CDH11: variants seen among roughly 807,000 people sequenced by gnomAD.
The protein encoded by CDH11 is cadherin-11.
A neutral mutation model predicts 67.8 loss-of-function variants in CDH11; 11 were observed. The observed-to-expected ratio is 0.16, with a 90% CI of 0.10 to 0.27. The LOEUF (loss-of-function observed/expected upper bound fraction) is 0.27. Among genes scored for constraint, CDH11 ranks in the 10% least tolerant of loss-of-function variants. The pLI is 1.00. For synonymous variants in CDH11, 419 were observed against 400.0 expected (o/e 1.05, Z -0.57); for missense variants, 847 against 1,031.2 (o/e 0.82, Z 2.45).
Position 65,004,733 on chromosome 16 carries a change from T to G in CDH11, c.137A>C (p.Gln46Pro), listed in dbSNP as rs2142528796. 1 of 1,613,890 alleles carries G rather than the reference T, an allele frequency of 6.2e-7. No homozygotes were observed. Among genetic ancestry groups the G allele is most frequent in the Non-Finnish European group, 8.5e-7 (1 of 1,179,986 alleles). The change falls in exon 3 of 13, where the codon CAG (glutamine) becomes CCG (proline). Residue 46 changes from glutamine (Q) to proline (P), a missense_variant. Coordinates refer to ENST00000268603, the MANE Select transcript of CDH11 (RefSeq NM_001797.4). Reference protein sequence around the residue: ...HGHHEKGKEGQVLQRSKRGWV... With the variant: ...HGHHEKGKEGPVLQRSKRGWV... ...GCCACGCTTGGAGCGCTGTAGCACC[T>G]GCCCCTCCTTGCCCTTCTCATGGTG...
At position 65,046,932 on chromosome 16, in the gene CDH11, AC is replaced by A. The variant is rs531812577; in HGVS notation, c.-173+6871del. Among the ~76,000 whole-genome samples, 634 of 152,110 alleles carry A rather than the reference AC, an allele frequency of 4.2e-3. 6 individuals are homozygous for A. The highest frequency in any genetic ancestry group is 0.014 in the African/African-American group (592 of 41,484). ...AGACCAGCCTGGCCGATGTAGCAAA[AC>A]CCCATCTTTACTAAAAATACAGAAA... On this transcript the variant is annotated intron_variant, in intron 2 of 12. Transcript: ENST00000268603.
chr16:64,982,814 G>C (rs1193272458), intron 7 of CDH11: 1 of 154,132 alleles, frequency 6.5e-6, no homozygotes, highest in African/African-American at 2.4e-5. Context: ...CCAATGTCTG[G>C]GACTCTTACC....
chr16:65,035,547 T>C (rs1021547584), intron 2 of CDH11, among the ~76,000 whole-genome samples: 2 of 152,220 alleles, frequency 1.3e-5, no homozygotes, highest in Non-Finnish European at 2.9e-5. Flanking sequence ...CATCTGCTGA[T>C]AGTTTATAGC....
At position 64,946,154 on chromosome 16, in the gene CDH11, TA is replaced by T. The variant is rs1428461779; in HGVS notation, c.*1448del. On this transcript the variant is annotated 3_prime_UTR_variant, in exon 13 of 13. Transcript: ENST00000268603. ...AAGCATATTCTAAACAAAGCTTTTT[TA>T]AATGAATCGCCCATTCTCATTAAAA... The T allele has an allele frequency of 5.7e-6, 6 of 1,054,602 alleles. No homozygotes were observed. In the East Asian group the frequency reaches 3.2e-4, roughly 56 times the overall value. 65.3% of individuals were successfully genotyped at this position (1,054,602 alleles called of 1,614,324 possible).
chr16:65,007,477 C>T lies in CDH11; in HGVS notation c.-172-2436G>A, dbSNP rs563662735. On this transcript the variant is annotated intron_variant, in intron 2 of 12. Transcript: ENST00000268603. ...AGGCACTTTAATAATACATCAGATG[C>T]TGTTTCTAGAAAGCCAAACCGACTG... Among the ~76,000 whole-genome samples the T allele has an allele frequency of 1.5e-4, 23 of 152,276 alleles. No individual in the cohort carries two copies. In the South Asian group the frequency reaches 4.3e-3, roughly 29 times the overall value.
chr16:65,041,156 C>T (rs2073860808), intron 2 of CDH11, among the ~76,000 whole-genome samples: 2 of 152,232 alleles, frequency 1.3e-5, no homozygotes, highest in African/African-American at 2.4e-5. Context: ...TGACACCTGA[C>T]ATCTTCCTGG....
chr16:64,949,549 C>T (rs2071299526), intron 12 of CDH11, among the ~76,000 whole-genome samples: 1 of 151,966 alleles, frequency 6.6e-6, no homozygotes, highest in Non-Finnish European at 1.5e-5. Context: ...GCCTCAGCCT[C>T]CCAAGTAGCT....
intron 1 of CDH11, among the ~76,000 whole-genome samples, chr16:65,062,902 A>G (rs1413055328): frequency 1.3e-5 from 2 of 152,242 alleles, no homozygotes; most frequent in Non-Finnish European, 2.9e-5. Flanking sequence ...GAATTTGGCC[A>G]CAGAGGGGCT....
chr16:64,996,925 T>C (rs964094932), intron 4 of CDH11, among the ~76,000 whole-genome samples: 1 of 152,170 alleles, frequency 6.6e-6, no homozygotes, highest in Admixed American at 6.5e-5. Flanking sequence ...TTGGTTACTC[T>C]GTTCACTACC....
chr16:64,948,484 C>A, intron 12 of CDH11: 2 of 853,272 alleles, frequency 2.3e-6, no homozygotes, highest in Non-Finnish European at 1.9e-6. Flanking sequence ...GCTGTTTTTC[C>A]AAGGTTTAAA....
At chr16:64,996,752 A>G (rs894814914) in intron 4 of CDH11, among the ~76,000 whole-genome samples, 5 of 152,164 alleles carry the variant, frequency 3.3e-5, no homozygotes, top group Non-Finnish European at 7.3e-5. Context: ...ACACGGATGC[A>G]GCTGGAGGCC....
intron 1 of CDH11, among the ~76,000 whole-genome samples, chr16:65,063,920 G>T (rs1449499291): frequency 6.6e-6 from 1 of 152,178 alleles, no homozygotes; most frequent in African/African-American, 2.4e-5. Context: ...CTTTATGAGT[G>T]TTCCAACCAC....
chr16:65,022,486 G>T (rs919757154), intron 2 of CDH11, among the ~76,000 whole-genome samples: 3 of 152,130 alleles, frequency 2.0e-5, no homozygotes, highest in African/African-American at 7.2e-5. Context: ...TTGTCCTCAC[G>T]TTTAACAAGG....
intron 11 of CDH11, among the ~76,000 whole-genome samples, chr16:64,956,939 A>G (rs1248405714): frequency 1.3e-5 from 2 of 152,202 alleles, no homozygotes. Flanking sequence ...CTTGATAGAT[A>G]GACTGCACTT....
chr16:65,121,115 T>G lies in CDH11; in HGVS notation c.-298+765A>C, dbSNP rs1273613297. On this transcript the variant is annotated intron_variant, in intron 1 of 12. Transcript: ENST00000268603. This position sits in a 1 kb window ranked among gnomAD's most constrained non-coding sequence, Gnocchi z 4.1. Reference sequence around the variant, plus strand: ...AAAGTTAACGTTGACCCTGGCAGCTTTCGCCAATCCCAAGCCAGAGGCGAG... The same window carrying G: ...AAAGTTAACGTTGACCCTGGCAGCTGTCGCCAATCCCAAGCCAGAGGCGAG... Among the ~76,000 whole-genome samples the G allele has an allele frequency of 6.6e-6, 1 of 151,984 alleles. No homozygotes were observed. Among genetic ancestry groups the G allele is most frequent in the Non-Finnish European group, 1.5e-5 (1 of 67,998 alleles).
rs866387306 is a variant in CDH11 at position 64,955,160 on chromosome 16, G to T, written c.1643-4142C>A. On this transcript the variant is annotated intron_variant, in intron 11 of 12. Coordinates refer to ENST00000268603, the MANE Select transcript of CDH11 (RefSeq NM_001797.4). Reference sequence around the variant, plus strand: ...ACTCGGGAGGCTGAGGCAGGAGAATGGCATGAACCCGGGAGGCAGAGCTTG... The same window carrying T: ...ACTCGGGAGGCTGAGGCAGGAGAATTGCATGAACCCGGGAGGCAGAGCTTG... Among the ~76,000 whole-genome samples the T allele has an allele frequency of 2.0e-5, 3 of 151,948 alleles. No homozygotes were observed. The East Asian group carries it at 5.8e-4, about 29-fold the overall frequency.
intron 1 of CDH11, among the ~76,000 whole-genome samples, chr16:65,073,630 C>T (rs1223679181): frequency 6.6e-6 from 1 of 152,064 alleles, no homozygotes; most frequent in South Asian, 2.1e-4. Flanking sequence ...TTTTTGGGTA[C>T]CCTCTTAAAT....
rs534352290 is a variant in CDH11 at position 65,013,362 on chromosome 16, CAGAGGTGTGCAGG to C, written c.-172-8334_-172-8322del. Among the ~76,000 whole-genome samples, 9 of 152,204 alleles carry C rather than the reference CAGAGGTGTGCAGG, an allele frequency of 5.9e-5. No homozygotes were observed. The South Asian group carries it at 1.9e-3, about 32-fold the overall frequency. ...TCGGGGTTGACAGGAGCCGAGCTGT[CAGAGGTGTGCAGG>C]AGAAATGGAGGTAAGGAGTGTCAGC... On this transcript the variant is annotated intron_variant, in intron 2 of 12. Transcript: ENST00000268603.
chr16:65,057,056 A>G (rs942230380), intron 1 of CDH11, among the ~76,000 whole-genome samples: 10 of 152,224 alleles, frequency 6.6e-5, no homozygotes, highest in African/African-American at 2.2e-4. Context: ...ACAAAAAAAA[A>G]TGAACATACA....
Sources: allele counts gnomAD v4.1 joint callset (sites outside exome capture counted in the v4.1 genomes callset), GRCh38; gene constraint gnomAD v4.1.1; non-coding constraint Gnocchi (gnomAD v3.1); transcripts MANE v1.5; gene names NCBI Gene and HGNC (gene_info 2026-07-23, HGNC 2026-07-21).